The following DENND1A variants were observed in gnomAD, a reference collection of about 807,000 sequenced individuals.
The protein encoded by DENND1A is DENN domain containing 1A, also known as DENN domain-containing protein 1A.
In DENND1A, 51 loss-of-function variants were observed where a neutral mutation model predicts 113.7. The ratio of observed to expected loss-of-function variants is 0.45; its 90% confidence interval spans 0.36 to 0.57. The LOEUF (loss-of-function observed/expected upper bound fraction) is 0.57, where lower values mean the gene tolerates loss of function less well. DENND1A is among the 20% of genes least tolerant of loss of function. DENND1A has a pLI of 0.00. For missense variants in DENND1A, 1,258 were observed against 1,395.9 expected, an observed-to-expected ratio of 0.90 and a Z score of 1.57; for synonymous variants, 565 against 570.8, an observed-to-expected ratio of 0.99 and a Z score of 0.14.
At chr9:123,581,840 A>T (rs1281361354) in intron 12 of DENND1A, among the ~76,000 whole-genome samples, 1 of 152,102 alleles carries the variant, frequency 6.6e-6, no homozygotes, top group Non-Finnish European at 1.5e-5. Flanking sequence ...AACTCTATAG[A>T]TCTTCTTGCA....
At chr9:123,404,339 T>C (rs2043758672) in intron 20 of DENND1A, among the ~76,000 whole-genome samples, 1 of 152,218 alleles carries the variant, frequency 6.6e-6, no homozygotes, top group African/African-American at 2.4e-5. Context: ...CGACATTACA[T>C]GGCTTTAAAT....
intron 1 of DENND1A, among the ~76,000 whole-genome samples, chr9:123,897,130 C>T (rs1325601632): frequency 6.6e-6 from 1 of 152,280 alleles, no homozygotes; most frequent in African/African-American, 2.4e-5. Flanking sequence ...CTCTCCACAA[C>T]GAGAAAATAC....
At chr9:123,870,377 T>C (rs1846384281) in intron 2 of DENND1A, among the ~76,000 whole-genome samples, 1 of 151,634 alleles carries the variant, frequency 6.6e-6, no homozygotes, top group Non-Finnish European at 1.5e-5. Context: ...TCAAGCCATT[T>C]TCCTGCCTCA....
At chr9:123,818,567 C>CACACAT (rs1490590177) in intron 2 of DENND1A, among the ~76,000 whole-genome samples, 1 of 41,988 alleles carries the variant, frequency 2.4e-5, no homozygotes, top group South Asian at 9.1e-4. Context: ...CACACACACA[C>CACACAT]ATATATATAT....
intron 11 of DENND1A, among the ~76,000 whole-genome samples, chr9:123,585,738 T>C (rs1307900914): frequency 1.3e-5 from 2 of 152,148 alleles, no homozygotes; most frequent in Non-Finnish European, 2.9e-5. Flanking sequence ...GAGATACCAT[T>C]ATCCCCATTT....
In DENND1A at chr9:123,816,150, G is replaced by A. The variant is rs560664681; in HGVS notation, c.89-23520C>T. On this transcript the variant is annotated intron_variant, in intron 2 of 23. Coordinates refer to ENST00000394215, the MANE Select transcript of DENND1A (RefSeq NM_001352964.2). ...TGAGTAGCTGGGGCCAAAGGCTTGCGCCACCACACCCAACTAATTTTTGTA... is the reference window on the plus strand; with the variant it reads ...TGAGTAGCTGGGGCCAAAGGCTTGCACCACCACACCCAACTAATTTTTGTA... Among the ~76,000 whole-genome samples the A allele has an allele frequency of 3.9e-5, 6 of 152,026 alleles. No homozygotes were observed. The East Asian group carries it at 7.7e-4, about 20-fold the overall frequency.
intron 1 of DENND1A, among the ~76,000 whole-genome samples, chr9:123,924,731 T>C (rs990183130): frequency 1.3e-5 from 2 of 152,222 alleles, no homozygotes; most frequent in Non-Finnish European, 2.9e-5. Context: ...AAATTTCGTA[T>C]CTTAAACAGT....
intron 10 of DENND1A, among the ~76,000 whole-genome samples, chr9:123,620,908 G>A (rs2060928420): frequency 1.3e-5 from 2 of 152,040 alleles, no homozygotes; most frequent in South Asian, 4.1e-4. Context: ...CGTTGGTGAA[G>A]TAGTGTTTCC....
intron 11 of DENND1A, among the ~76,000 whole-genome samples, chr9:123,603,017 T>C (rs1278350434): frequency 1.3e-5 from 2 of 152,254 alleles, no homozygotes; most frequent in Non-Finnish European, 2.9e-5. Context: ...TAACTATGGC[T>C]CAGAATTTTG....
intron 5 of DENND1A, among the ~76,000 whole-genome samples, chr9:123,711,505 G>GTATATATATATATATATATA (rs1168546766): frequency 3.2e-5 from 2 of 62,556 alleles, no homozygotes; most frequent in African/African-American, 1.8e-4. Context: ...ATATATATAT[G>GTATATATATATATATATATA]TATATATGTA....
At chr9:123,784,756 T>C (rs1455066275) in intron 3 of DENND1A, among the ~76,000 whole-genome samples, 1 of 152,182 alleles carries the variant, frequency 6.6e-6, no homozygotes, top group African/African-American at 2.4e-5. Flanking sequence ...CATAGCTGTA[T>C]AGCTTGGCGT....
rs55992526 is a variant in DENND1A, at chr9:123,512,943, T to G, written c.993+44627A>C. Among the ~76,000 whole-genome samples, 235 of 152,372 alleles carry G rather than the reference T, an allele frequency of 1.5e-3. 2 individuals are homozygous for G. The highest frequency in any genetic ancestry group is 0.01 in the Middle Eastern group (3 of 294). ...TCTGAAAGCGTGTCTGCCTCACAGATGTGCAACTCAGGTAAAAGACATGCT... is the reference window on the plus strand; with the variant it reads ...TCTGAAAGCGTGTCTGCCTCACAGAGGTGCAACTCAGGTAAAAGACATGCT... On this transcript the variant is annotated intron_variant, in intron 13 of 23. Coordinates refer to ENST00000394215, the MANE Select transcript of DENND1A (RefSeq NM_001352964.2).
At chr9:123,481,245 C>A (rs746864233) in intron 13 of DENND1A, among the ~76,000 whole-genome samples, 1 of 152,176 alleles carries the variant, frequency 6.6e-6, no homozygotes, top group African/African-American at 2.4e-5. Flanking sequence ...AATTATGAGG[C>A]TAAAATATGC....
intron 5 of DENND1A, among the ~76,000 whole-genome samples, chr9:123,730,475 C>T (rs1012713930): frequency 2.6e-5 from 4 of 152,102 alleles, no homozygotes; most frequent in Admixed American, 1.3e-4. Context: ...CAAAAGAAGA[C>T]ATTTATACAG....
intron 2 of DENND1A, among the ~76,000 whole-genome samples, chr9:123,844,754 A>G (rs866408096): frequency 2.6e-5 from 4 of 152,352 alleles, no homozygotes; most frequent in Middle Eastern, 6.8e-3. Flanking sequence ...GGGACCCAGA[A>G]TAGTCAAACA....
At chr9:123,671,920 G>C (rs2063784932) in intron 6 of DENND1A, among the ~76,000 whole-genome samples, 3 of 152,190 alleles carry the variant, frequency 2.0e-5, no homozygotes, top group South Asian at 2.1e-4. Flanking sequence ...GACATACAAA[G>C]CAATGCAAAT....
intron 5 of DENND1A, among the ~76,000 whole-genome samples, chr9:123,717,595 G>A (rs2067061139): frequency 6.6e-6 from 1 of 152,162 alleles, no homozygotes; most frequent in Admixed American, 6.5e-5. Flanking sequence ...TACTACACAA[G>A]TCTCAAATCA....
At chr9:123,639,039 T>TAAAAAAAAAAAAAAA (rs750972974) in intron 9 of DENND1A, among the ~76,000 whole-genome samples, 13 of 32,100 alleles carry the variant, frequency 4.0e-4, no homozygotes, top group Admixed American at 4.9e-4. Context: ...GCATGAGTAG[T>TAAAAAAAAAAAAAAA]AAAAAAAAAA....
chr9:123,770,210 T>G (rs1036938849), intron 3 of DENND1A, among the ~76,000 whole-genome samples: 1 of 152,214 alleles, frequency 6.6e-6, no homozygotes, highest in African/African-American at 2.4e-5. Context: ...TCACCATATT[T>G]GAACATACTC....
Sources: gnomAD v4.1 joint callset for allele counts (sites outside exome capture counted in the v4.1 genomes callset) on GRCh38, gnomAD v4.1.1 for gene constraint, MANE v1.5 for transcripts, NCBI Gene and HGNC (gene_info 2026-07-23, HGNC 2026-07-21) for gene names.